The following SOX5 variants were observed in gnomAD, a reference collection of about 807,000 sequenced individuals.
SOX5 encodes SRY-box transcription factor 5.
In SOX5, 9 loss-of-function variants were observed where a neutral mutation model predicts 92.0. The observed-to-expected ratio is 0.10, with a 90% CI of 0.06 to 0.17. SOX5 has a LOEUF of 0.17. Among genes scored for constraint, SOX5 ranks in the 10% least tolerant of loss-of-function variants. SOX5 has a pLI of 1.00. For synonymous variants in SOX5, 344 were observed against 336.3 expected, an observed-to-expected ratio of 1.02 and a Z score of -0.25; for missense variants, 642 against 944.5, an observed-to-expected ratio of 0.68 and a Z score of 4.20.
At chr12:23,862,962 A>T (rs932570560) in intron 2 of SOX5, among the ~76,000 whole-genome samples, 2 of 152,220 alleles carry the variant, frequency 1.3e-5, no homozygotes, top group African/African-American at 4.8e-5. Context: ...AGGGATGTCA[A>T]TAGCAGGTCT....
At chr12:23,944,109 C>T (rs764619058) in intron 1 of SOX5, 1 of 152,004 alleles carries the variant, frequency 6.6e-6, no homozygotes, top group Non-Finnish European at 1.5e-5. Context: ...TTTGTTTATG[C>T]CACAATTCTG....
intron 2 of SOX5, among the ~76,000 whole-genome samples, chr12:23,869,411 T>G (rs1309324575): frequency 6.6e-6 from 1 of 152,128 alleles, no homozygotes; most frequent in Admixed American, 6.5e-5. Context: ...CACACACATT[T>G]TCAAATCATA....
intron 2 of SOX5, among the ~76,000 whole-genome samples, chr12:23,864,189 G>A (rs912028500): frequency 2.0e-5 from 3 of 151,938 alleles, no homozygotes; most frequent in Non-Finnish European, 4.4e-5. Flanking sequence ...ACCACTAACC[G>A]CACCCATATA....
intron 6 of SOX5, among the ~76,000 whole-genome samples, chr12:23,696,470 C>T (rs926126719): frequency 6.6e-6 from 1 of 152,048 alleles, no homozygotes; most frequent in African/African-American, 2.4e-5. Context: ...TCCTTTTTCT[C>T]ATTTCTACAA....
chr12:23,711,121 C>T (rs1308490780), intron 6 of SOX5, among the ~76,000 whole-genome samples: 1 of 152,010 alleles, frequency 6.6e-6, no homozygotes, highest in Admixed American at 6.6e-5. Context: ...AAAGAGGTAC[C>T]TTATTTTCAA....
At chr12:23,683,770 T>C (rs944602605) in intron 6 of SOX5, among the ~76,000 whole-genome samples, 1 of 152,066 alleles carries the variant, frequency 6.6e-6, no homozygotes, top group African/African-American at 2.4e-5. Flanking sequence ...TGTATGCATC[T>C]GCTGACAGTT....
At chr12:24,437,520 CAGAGTGAAT>C (rs1424100835) in intron 1 of SOX5, among the ~76,000 whole-genome samples, 1 of 152,098 alleles carries the variant, frequency 6.6e-6, no homozygotes, top group African/African-American at 2.4e-5. Flanking sequence ...AAACTATCAT[CAGAGTGAAT>C]ATCCAGAATC....
intron 1 of SOX5, among the ~76,000 whole-genome samples, chr12:24,382,572 T>C (rs1281686331): frequency 6.6e-6 from 1 of 152,112 alleles, no homozygotes; most frequent in Non-Finnish European, 1.5e-5. Flanking sequence ...CAGGATGACA[T>C]CTGACTAATC....
At chr12:23,652,943 G>A (rs11047026) in intron 7 of SOX5, among the ~76,000 whole-genome samples, 111,584 of 151,754 alleles carry the variant, frequency 0.74, 41,757 homozygotes, top group African/African-American at 0.89. Flanking sequence ...GGCTGAAAAT[G>A]TAACAGGGAA....
intron 2 of SOX5, among the ~76,000 whole-genome samples, chr12:24,292,446 G>A (rs1489111278): frequency 6.6e-6 from 1 of 152,130 alleles, no homozygotes; most frequent in East Asian, 1.9e-4. Context: ...ATAGTTATAA[G>A]CCAATGGAAG....
At chr12:23,966,368 T>G (rs1489794195) in intron 4 of SOX5, among the ~76,000 whole-genome samples, 2 of 152,008 alleles carry the variant, frequency 1.3e-5, no homozygotes, top group Admixed American at 1.3e-4. Context: ...ATCATAAACA[T>G]CTAAGTAACA....
At chr12:24,165,907 T>C (rs904339469) in intron 4 of SOX5, among the ~76,000 whole-genome samples, 3 of 152,160 alleles carry the variant, frequency 2.0e-5, no homozygotes, top group Non-Finnish European at 4.4e-5. Flanking sequence ...AAAATAGATA[T>C]ATATATGAAA....
intron 4 of SOX5, among the ~76,000 whole-genome samples, chr12:23,993,954 T>C (rs1292976815): frequency 6.6e-6 from 1 of 151,792 alleles, no homozygotes; most frequent in Non-Finnish European, 1.5e-5. Context: ...TATGTATACA[T>C]AAATAAATAA....
intron 1 of SOX5, among the ~76,000 whole-genome samples, chr12:24,517,235 T>C (rs1949867630): frequency 6.6e-6 from 1 of 152,156 alleles, no homozygotes; most frequent in African/African-American, 2.4e-5. Flanking sequence ...ACATTGTGAA[T>C]AGTAAATTAA....
intron 3 of SOX5, among the ~76,000 whole-genome samples, chr12:24,247,058 A>C (rs1429628866): frequency 1.3e-5 from 2 of 152,232 alleles, no homozygotes; most frequent in Admixed American, 1.3e-4. Context: ...ACCAGTCCTC[A>C]ACGACAAGAG....
intron 6 of SOX5, among the ~76,000 whole-genome samples, chr12:23,706,328 T>C (rs1007274944): frequency 3.3e-5 from 5 of 152,126 alleles, no homozygotes; most frequent in African/African-American, 1.2e-4. Flanking sequence ...AACCAAATGT[T>C]ATTAGAATGC....
Position 23,530,257 on chromosome 12 carries a change from C to T in SOX5, c.*3962G>A, listed in dbSNP as rs889008353. On this transcript the variant is annotated 3_prime_UTR_variant, in exon 15 of 15. Transcript: ENST00000451604. ...TTGTTTATTACAATTCAACAATTTA[C>T]CCATTAGAATGAGTGAAAGTGTAAT... 6 of 152,104 alleles carry T rather than the reference C, an allele frequency of 3.9e-5. No homozygotes were observed. The highest frequency in any genetic ancestry group is 5.9e-5 in the Non-Finnish European group (4 of 68,026). 9.4% of individuals were successfully genotyped at this position (152,104 alleles called of 1,614,324 possible).
At chr12:24,376,484 C>T (rs1011987161) in intron 1 of SOX5, among the ~76,000 whole-genome samples, 1 of 152,006 alleles carries the variant, frequency 6.6e-6, no homozygotes, top group African/African-American at 2.4e-5. Context: ...AATATAGGCA[C>T]CAAAAAGCTA....
intron 4 of SOX5, among the ~76,000 whole-genome samples, chr12:24,080,108 T>A (rs1055442409): frequency 1.3e-5 from 2 of 151,974 alleles, no homozygotes; most frequent in African/African-American, 4.8e-5. Context: ...TATTTCCTAT[T>A]ACAATTTTTA....
Sources: gnomAD v4.1 joint callset for allele counts (sites outside exome capture counted in the v4.1 genomes callset) on GRCh38, gnomAD v4.1.1 for gene constraint, MANE v1.5 for transcripts, NCBI Gene and HGNC (gene_info 2026-07-23, HGNC 2026-07-21) for gene names.